The following FSTL5 variants were observed in gnomAD, a reference collection of about 807,000 sequenced individuals.
FSTL5 encodes the protein follistatin-related protein 5.
FSTL5 carries 62 observed loss-of-function variants against 89.1 expected under a neutral mutation model. The ratio of observed to expected loss-of-function variants is 0.70; its 90% CI spans 0.57 to 0.86. FSTL5 has a LOEUF of 0.86. Ranked by LOEUF, FSTL5 falls within the 40% of genes least tolerant of loss-of-function variation. The pLI, the probability that FSTL5 is intolerant of heterozygous loss-of-function variation, is 0.00. For synonymous variants in FSTL5, 383 were observed against 346.2 expected, an observed-to-expected ratio of 1.11 and a Z score of -1.18; for missense variants, 1,057 against 1,001.6, an observed-to-expected ratio of 1.06 and a Z score of -0.75.
chr4:162,088,221 A>G (rs1326298797), intron 2 of FSTL5, among the ~76,000 whole-genome samples: 4 of 36,762 alleles, frequency 1.1e-4, no homozygotes, highest in Non-Finnish European at 3.9e-4. Context: ...ACTTATTAAT[A>G]ATATATAATT....
Position 161,612,316 on chromosome 4 carries a change from GC to G in FSTL5, c.895-24742del, listed in dbSNP as rs1734682193. Among the ~76,000 whole-genome samples, 5 of 152,208 alleles carry G rather than the reference GC, an allele frequency of 3.3e-5. 1 individual carries two copies. The South Asian group carries it at 1.0e-3, about 32-fold the overall frequency. ...TTATTCCTACTAATGTAGTTTAATA[GC>G]AAAGTAATAAAATAACAAAGATTTA... On this transcript the variant is annotated intron_variant, in intron 7 of 15. Transcript: ENST00000306100.
At chr4:162,098,000 A>C (rs961424235) in intron 2 of FSTL5, among the ~76,000 whole-genome samples, 1 of 151,968 alleles carries the variant, frequency 6.6e-6, no homozygotes, top group Non-Finnish European at 1.5e-5. Context: ...ATATTGCATA[A>C]GGATGTCCAT....
intron 6 of FSTL5, among the ~76,000 whole-genome samples, chr4:161,686,641 C>G (rs1737757093): frequency 6.6e-6 from 1 of 151,612 alleles, no homozygotes; most frequent in African/African-American, 2.4e-5. Flanking sequence ...ATATTTGTAT[C>G]ATTGTCAATA....
chr4:161,483,704 TAGAGG>T (rs1266352077), intron 12 of FSTL5, among the ~76,000 whole-genome samples: 10 of 152,118 alleles, frequency 6.6e-5, no homozygotes, highest in African/African-American at 2.4e-4. Context: ...AGAAAAATAG[TAGAGG>T]AATGTTTTTA....
intron 2 of FSTL5, among the ~76,000 whole-genome samples, chr4:162,053,768 A>G (rs1738454430): frequency 6.6e-6 from 1 of 151,878 alleles, no homozygotes; most frequent in Admixed American, 6.6e-5. Context: ...TTTAGAAGAT[A>G]TAGATTATCA....
intron 4 of FSTL5, among the ~76,000 whole-genome samples, chr4:161,824,465 T>A (rs1730603926): frequency 6.6e-6 from 1 of 152,236 alleles, no homozygotes; most frequent in African/African-American, 2.4e-5. Context: ...AGATTTGTTC[T>A]TTTTGCTTAG....
intron 15 of FSTL5, chr4:161,386,690 A>T (rs576668558): frequency 1.8e-5 from 8 of 455,852 alleles, no homozygotes; most frequent in South Asian, 3.0e-5. Context: ...AATAATTAAA[A>T]GCAATACATC....
At chr4:161,987,440 C>A (rs1292273927) in intron 3 of FSTL5, among the ~76,000 whole-genome samples, 2 of 147,902 alleles carry the variant, frequency 1.4e-5, no homozygotes, top group East Asian at 2.0e-4. Context: ...GCTCATAACT[C>A]CTAATTAACA....
intron 6 of FSTL5, among the ~76,000 whole-genome samples, chr4:161,710,703 A>C (rs1738748841): frequency 6.6e-6 from 1 of 152,126 alleles, no homozygotes; most frequent in Non-Finnish European, 1.5e-5. Flanking sequence ...TCTGCCTTTT[A>C]TTGAGTCATG....
At chr4:162,062,136 T>G (rs1738737210) in intron 2 of FSTL5, among the ~76,000 whole-genome samples, 1 of 151,740 alleles carries the variant, frequency 6.6e-6, no homozygotes, top group Non-Finnish European at 1.5e-5. Context: ...TGACAATAAT[T>G]TATATATAAC....
intron 7 of FSTL5, among the ~76,000 whole-genome samples, chr4:161,654,618 A>G (rs1261473875): frequency 6.6e-6 from 1 of 152,128 alleles, no homozygotes; most frequent in Non-Finnish European, 1.5e-5. Context: ...TGTTTTTGAT[A>G]TATTCTGGGA....
chr4:161,617,281 G>T (rs772075262), intron 7 of FSTL5, among the ~76,000 whole-genome samples: 1 of 152,144 alleles, frequency 6.6e-6, no homozygotes. Context: ...ATGTCACAAA[G>T]ATATGTCAGT....
At chr4:161,686,098 T>G (rs1174339086) in intron 6 of FSTL5, among the ~76,000 whole-genome samples, 3 of 151,734 alleles carry the variant, frequency 2.0e-5, no homozygotes, top group Non-Finnish European at 4.4e-5. Flanking sequence ...ATCCCTTGTA[T>G]GAAACCCACT....
intron 10 of FSTL5, among the ~76,000 whole-genome samples, chr4:161,517,360 A>G (rs1168502666): frequency 6.6e-6 from 1 of 152,218 alleles, no homozygotes; most frequent in Non-Finnish European, 1.5e-5. Flanking sequence ...AAACCCTCAA[A>G]GTTATAAACC....
rs80259799 is a variant in FSTL5, at chr4:161,918,271, G to T, written c.409+2133C>A. Among the ~76,000 whole-genome samples the T allele has an allele frequency of 9.6e-3, 1,460 of 152,170 alleles. 81 individuals are homozygous for T. Among genetic ancestry groups the T allele is most frequent in the Admixed American group, 0.081 (1,236 of 15,282 alleles). On this transcript the variant is annotated intron_variant, in intron 4 of 15. Transcript: ENST00000306100. Reference sequence around the variant, plus strand: ...ATTTACTCCTTTCTGATGAAATAAAGTAATTTTATGAGTTAGTTGTATTTT... The same window carrying T: ...ATTTACTCCTTTCTGATGAAATAAATTAATTTTATGAGTTAGTTGTATTTT...
chr4:161,923,305 A>AC (rs1384358627), intron 3 of FSTL5, among the ~76,000 whole-genome samples: 2 of 151,664 alleles, frequency 1.3e-5, no homozygotes, highest in Non-Finnish European at 2.9e-5. Context: ...AAACTTTAAA[A>AC]AAAATTAATG....
At chr4:161,420,986 T>C (rs1731970146) in intron 15 of FSTL5, among the ~76,000 whole-genome samples, 1 of 152,044 alleles carries the variant, frequency 6.6e-6, no homozygotes, top group African/African-American at 2.4e-5. Context: ...TCATTGTCTA[T>C]TAATATCTAT....
intron 2 of FSTL5, among the ~76,000 whole-genome samples, chr4:162,065,418 T>A (rs1179131994): frequency 6.6e-6 from 1 of 151,818 alleles, no homozygotes; most frequent in Non-Finnish European, 1.5e-5. Context: ...TGTTTTCCAA[T>A]AAAAACATAC....
intron 1 of FSTL5, among the ~76,000 whole-genome samples, chr4:162,153,751 C>T (rs866963910): frequency 0.54 from 68,867 of 128,330 alleles, 18,297 homozygotes; most frequent in Admixed American, 0.61. Context: ...TAATAATATA[C>T]ATGTATATAT....
Sources: gnomAD v4.1 joint callset for allele counts (sites outside exome capture counted in the v4.1 genomes callset) on GRCh38, gnomAD v4.1.1 for gene constraint, MANE v1.5 for transcripts, NCBI Gene and HGNC (gene_info 2026-07-23, HGNC 2026-07-21) for gene names.